The following COG6 variants were observed in gnomAD, a reference collection of about 807,000 sequenced individuals.
COG6 encodes the protein conserved oligomeric Golgi complex subunit 6.
A neutral mutation model predicts 88.8 loss-of-function variants in COG6; 74 were observed. That is an observed-to-expected ratio of 0.83 (90% CI 0.69 to 1.01). The LOEUF is 1.01. COG6 is among the 50% of genes least tolerant of loss of function. COG6 has a pLI of 0.00. For missense variants in COG6, 800 were observed against 797.9 expected (o/e 1.00, Z -0.03); for synonymous variants, 286 against 278.7 (o/e 1.03, Z -0.26).
chr13:39,777,407 G>A (rs1881496752), intron 18 of COG6, among the ~76,000 whole-genome samples: 1 of 152,172 alleles, frequency 6.6e-6, no homozygotes, highest in Non-Finnish European at 1.5e-5. Flanking sequence ...AGAAGGGGGT[G>A]TGGAGCTGGA....
chr13:39,694,537 A>C (rs1043050468), intron 11 of COG6, 97 bp from the exon 12 acceptor site: 8 of 739,390 alleles, frequency 1.1e-5, no homozygotes, highest in Non-Finnish European at 1.9e-5. Context: ...GCAGTAATAA[A>C]ATTTTATCTT....
chr13:39,730,394 C>G (rs552800742), intron 18 of COG6, among the ~76,000 whole-genome samples: 1 of 152,056 alleles, frequency 6.6e-6, no homozygotes, highest in African/African-American at 2.4e-5. Context: ...TTTGTTTAGA[C>G]GAACAGAAAT....
At chr13:39,737,885 G>C (rs903442965) in intron 18 of COG6, among the ~76,000 whole-genome samples, 6 of 152,124 alleles carry the variant, frequency 3.9e-5, no homozygotes, top group Non-Finnish European at 8.8e-5. Context: ...TGCTCCCTCT[G>C]TGGATGCTGG....
intron 4 of COG6, among the ~76,000 whole-genome samples, chr13:39,670,491 T>A (rs1875560227): frequency 6.6e-6 from 1 of 152,048 alleles, no homozygotes; most frequent in South Asian, 2.1e-4. Context: ...TTATTAGATT[T>A]TTGATTTTGT....
At chr13:39,673,647 GT>G (rs762280382) in intron 4 of COG6, among the ~76,000 whole-genome samples, 8 of 151,840 alleles carry the variant, frequency 5.3e-5, no homozygotes, top group Admixed American at 2.0e-4. Flanking sequence ...TCTTTTAAGT[GT>G]AAAAAACTGC....
rs1474070442 is a variant in COG6 at position 39,742,208 on chromosome 13, T to C, written c.1827-8738T>C. On this transcript the variant is annotated intron_variant, in intron 18 of 18. Coordinates refer to ENST00000455146, the MANE Select transcript of COG6 (RefSeq NM_020751.3). Reference sequence around the variant, plus strand: ...AAACAGCATCAACTAACGGGCAAAATAACCAGCTAACATCATAATGACAGG... The same window carrying C: ...AAACAGCATCAACTAACGGGCAAAACAACCAGCTAACATCATAATGACAGG... Among the ~76,000 whole-genome samples the C allele has an allele frequency of 2.6e-5, 4 of 152,048 alleles. 1 individual carries two copies. The highest frequency in any genetic ancestry group is 5.9e-5 in the Non-Finnish European group (4 of 68,012).
At chr13:39,725,541 A>G (rs1349093956) in intron 17 of COG6, among the ~76,000 whole-genome samples, 1 of 151,962 alleles carries the variant, frequency 6.6e-6, no homozygotes, top group Non-Finnish European at 1.5e-5. Context: ...GGATAGGCTC[A>G]TAAGATACCT....
chr13:39,780,523 A>G (rs1202311245), intron 18 of COG6, among the ~76,000 whole-genome samples: 3 of 152,208 alleles, frequency 2.0e-5, no homozygotes, highest in Admixed American at 6.5e-5. Flanking sequence ...CCATAATAAT[A>G]TGGAAGAAAT....
intron 12 of COG6, among the ~76,000 whole-genome samples, chr13:39,696,515 A>G (rs80173446): frequency 0.066 from 10,050 of 151,870 alleles, 411 homozygotes; most frequent in Non-Finnish European, 0.095. Flanking sequence ...GATCATGGAG[A>G]AGAGTGTCCA....
intron 13 of COG6, 54 bp downstream of exon 13, chr13:39,699,672 G>C (rs1477089195): frequency 9.1e-6 from 8 of 876,920 alleles, no homozygotes; most frequent in African/African-American, 1.6e-5. Flanking sequence ...CATTAAAGAT[G>C]TTTTAGTGAT....
intron 11 of COG6, 117 bp downstream of exon 11, chr13:39,689,941 G>C (rs1016060752): frequency 1.5e-5 from 10 of 663,570 alleles, no homozygotes; most frequent in Non-Finnish European, 2.2e-5. Flanking sequence ...TTTCAAATTA[G>C]CACACTAATG....
chr13:39,662,127 T>C (rs1361529249), intron 3 of COG6, among the ~76,000 whole-genome samples: 1 of 149,360 alleles, frequency 6.7e-6, no homozygotes, highest in African/African-American at 2.4e-5. Flanking sequence ...TGTCTCTTTC[T>C]GTTTTGTCCT....
chr13:39,748,788 A>G (rs1880472148), intron 18 of COG6, among the ~76,000 whole-genome samples: 1 of 152,116 alleles, frequency 6.6e-6, no homozygotes, highest in Admixed American at 6.6e-5. Context: ...GTCATTTTGG[A>G]AGCTTTAGCA....
chr13:39,681,638 G>A (rs1228431774), intron 7 of COG6, among the ~76,000 whole-genome samples: 2 of 152,114 alleles, frequency 1.3e-5, no homozygotes, highest in East Asian at 3.8e-4. Flanking sequence ...AATATACTAG[G>A]CACTTGTGAG....
intron 8 of COG6, among the ~76,000 whole-genome samples, chr13:39,686,977 C>T (rs1876683824): frequency 6.6e-6 from 1 of 151,994 alleles, no homozygotes; most frequent in Non-Finnish European, 1.5e-5. Context: ...TGACCACCTT[C>T]CTCGGCCTCC....
intron 12 of COG6, among the ~76,000 whole-genome samples, chr13:39,697,037 G>A (rs1355323186): frequency 6.7e-6 from 1 of 149,890 alleles, no homozygotes; most frequent in African/African-American, 2.5e-5. Flanking sequence ...GAATGGTATT[G>A]TTTGCTGAGA....
chr13:39,692,531 C>T (rs1877039416), intron 11 of COG6, among the ~76,000 whole-genome samples: 1 of 151,978 alleles, frequency 6.6e-6, no homozygotes, highest in Non-Finnish European at 1.5e-5. Context: ...TACATAGGAA[C>T]AGATGTCTAC....
At chr13:39,694,955 GCACACACACACACACA>G (rs5803006) in intron 12 of COG6, among the ~76,000 whole-genome samples, 5 of 142,644 alleles carry the variant, frequency 3.5e-5, no homozygotes, top group Admixed American at 2.1e-4. Flanking sequence ...TTAACTACAC[GCACACACACACACACA>G]CACACACACA....
At chr13:39,673,251 G>T (rs1875759149) in intron 4 of COG6, among the ~76,000 whole-genome samples, 1 of 151,522 alleles carries the variant, frequency 6.6e-6, no homozygotes, top group Non-Finnish European at 1.5e-5. Flanking sequence ...TATCTTTTTT[G>T]TCATTTGTAT....
Sources: allele counts gnomAD v4.1 joint callset (sites outside exome capture counted in the v4.1 genomes callset), GRCh38; gene constraint gnomAD v4.1.1; transcripts MANE v1.5; gene names NCBI Gene and HGNC (gene_info 2026-07-23, HGNC 2026-07-21).